GUCY1A2: variants seen among roughly 807,000 people sequenced by gnomAD.
The protein encoded by GUCY1A2 is guanylate cyclase soluble subunit alpha-2.
Under a neutral mutation model 63.5 loss-of-function variants are expected in GUCY1A2, and 27 were observed. The observed-to-expected ratio is 0.43, with a 90% confidence interval of 0.31 to 0.59. The LOEUF is 0.59. GUCY1A2 is among the 20% of genes least tolerant of loss of function. GUCY1A2 has a pLI of 0.11. For missense variants in GUCY1A2, 768 were observed against 913.3 expected, an observed-to-expected ratio of 0.84 and a Z score of 2.05; for synonymous variants, 364 against 343.5, an observed-to-expected ratio of 1.06 and a Z score of -0.66.
In GUCY1A2 at chr11:106,790,308, G is replaced by T. The variant is rs559738501; in HGVS notation, c.1693-13726C>A. Among the ~76,000 whole-genome samples the T allele has an allele frequency of 5.3e-5, 8 of 152,264 alleles. No homozygotes were observed. In the South Asian group the frequency reaches 1.5e-3, roughly 28 times the overall value. ...CCACAGGGACATCAAACAGGCTACC[G>T]CTGATGTTCACTTAAGGCCCAAGGG... On this transcript the variant is annotated intron_variant, in intron 5 of 7. Coordinates refer to ENST00000526355, the MANE Select transcript of GUCY1A2 (RefSeq NM_000855.3).
At chr11:106,742,817 C>T (rs569292835) in intron 6 of GUCY1A2, among the ~76,000 whole-genome samples, 6 of 152,248 alleles carry the variant, frequency 3.9e-5, no homozygotes, top group East Asian at 3.9e-4. Flanking sequence ...ATTGTAAACG[C>T]TTTCAAATGG....
At chr11:106,689,353 C>A (rs898723544) in intron 7 of GUCY1A2, among the ~76,000 whole-genome samples, 3 of 152,014 alleles carry the variant, frequency 2.0e-5, no homozygotes, top group African/African-American at 7.2e-5. Context: ...TGATGATATT[C>A]ATTCGGTATA....
intron 4 of GUCY1A2, among the ~76,000 whole-genome samples, chr11:106,849,113 C>A (rs890027408): frequency 6.6e-6 from 1 of 151,310 alleles, no homozygotes; most frequent in African/African-American, 2.4e-5. Flanking sequence ...ATACAAGGTG[C>A]CATTCTATAA....
chr11:106,835,494 A>C (rs761916096), intron 4 of GUCY1A2, among the ~76,000 whole-genome samples: 2 of 151,812 alleles, frequency 1.3e-5, no homozygotes, highest in Non-Finnish European at 2.9e-5. Context: ...GGGGAGAATA[A>C]AGAGAATGGG....
chr11:106,851,189 TTTTTG>T (rs1555040352), intron 4 of GUCY1A2, among the ~76,000 whole-genome samples: 5 of 151,954 alleles, frequency 3.3e-5, no homozygotes, highest in Middle Eastern at 3.4e-3. Context: ...AATGGGTTTT[TTTTTG>T]TTTTGTTTTG....
At chr11:106,803,484 T>C (rs908319520) in intron 5 of GUCY1A2, among the ~76,000 whole-genome samples, 1 of 152,264 alleles carries the variant, frequency 6.6e-6, no homozygotes, top group South Asian at 2.1e-4. Context: ...CTAGTAAGCG[T>C]TGGATACACA....
At chr11:106,896,863 T>C (rs1860057567) in intron 4 of GUCY1A2, among the ~76,000 whole-genome samples, 1 of 152,182 alleles carries the variant, frequency 6.6e-6, no homozygotes, top group African/African-American at 2.4e-5. Flanking sequence ...ACAGAACAAA[T>C]GAACTAGGAC....
chr11:106,798,435 A>T (rs1864808477), intron 5 of GUCY1A2, among the ~76,000 whole-genome samples: 1 of 152,212 alleles, frequency 6.6e-6, no homozygotes, highest in African/African-American at 2.4e-5. Context: ...TCATCCTGAT[A>T]CCAAAGGCTG....
intron 4 of GUCY1A2, among the ~76,000 whole-genome samples, chr11:106,909,629 C>T (rs1340616725): frequency 1.3e-5 from 2 of 151,832 alleles, no homozygotes; most frequent in African/African-American, 4.8e-5. Flanking sequence ...TCAGGGCTGT[C>T]GTTATTCACT....
At chr11:106,778,529 C>A (rs976792839) in intron 5 of GUCY1A2, among the ~76,000 whole-genome samples, 1 of 151,990 alleles carries the variant, frequency 6.6e-6, no homozygotes, top group African/African-American at 2.4e-5. Context: ...GGCATGATGG[C>A]GGGCACCTGT....
rs568526421 is a variant in GUCY1A2, at chr11:106,978,610, T to A, written c.487+9A>T. On this transcript the variant is annotated intron_variant, in intron 3 of 7. Transcript: ENST00000526355. The stretch of plus-strand genomic sequence containing the variant: ...CTCTCATCCATATAAATATATATAG[T>A]TAATATACCGAGTATATTAGCAGTA... 2 of 1,456,600 alleles carry A rather than the reference T, an allele frequency of 1.4e-6. No individual in the cohort carries two copies. Among genetic ancestry groups the A allele is most frequent in the Admixed American group, 3.7e-5 (2 of 53,906 alleles). The allele number at this position is 1,456,600 out of a possible 1,614,324, so 90.2% of individuals were successfully genotyped here.
At chr11:106,761,847 C>A (rs778636664) in intron 6 of GUCY1A2, among the ~76,000 whole-genome samples, 1 of 152,058 alleles carries the variant, frequency 6.6e-6, no homozygotes, top group African/African-American at 2.4e-5. Context: ...TTTTCACAAA[C>A]TACAGTTAAA....
chr11:106,915,950 C>G (rs769321985), intron 4 of GUCY1A2, among the ~76,000 whole-genome samples: 1 of 142,594 alleles, frequency 7.0e-6, no homozygotes, highest in African/African-American at 2.5e-5. Flanking sequence ...GTCATGGTTA[C>G]TGCCACTCTC....
intron 7 of GUCY1A2, among the ~76,000 whole-genome samples, chr11:106,688,201 T>G (rs1217825729): frequency 6.6e-6 from 1 of 152,214 alleles, no homozygotes; most frequent in Admixed American, 6.6e-5. Context: ...GCTTTAAATG[T>G]GTGTCCTGTA....
chr11:106,885,138 G>T lies in GUCY1A2; in HGVS notation c.1206+54322C>A, dbSNP rs115343285. Among the ~76,000 whole-genome samples the T allele has an allele frequency of 8.8e-3, 1,341 of 152,260 alleles. 17 individuals are homozygous for T. Among genetic ancestry groups the T allele is most frequent in the African/African-American group, 0.031 (1,278 of 41,558 alleles). On this transcript the variant is annotated intron_variant, in intron 4 of 7. Transcript: ENST00000526355. ...AACACCATGATTTCAGTCAGGTGTT[G>T]AAAGTGCTTCATTTTGCCTTTATGG...
Position 106,685,477 on chromosome 11 carries a change from T to A in GUCY1A2, c.*2072A>T, listed in dbSNP as rs1350911215. On this transcript the variant is annotated 3_prime_UTR_variant, in exon 8 of 8. Coordinates refer to ENST00000526355, the MANE Select transcript of GUCY1A2 (RefSeq NM_000855.3). The stretch of plus-strand genomic sequence containing the variant: ...TAGATTGGATATTCCTGGAAGTCCC[T>A]TTCAGCCTTATGGTTACAAAACACA... 1 of 223,234 alleles carries A rather than the reference T, an allele frequency of 4.5e-6. No homozygotes were observed. Among genetic ancestry groups the A allele is most frequent in the Non-Finnish European group, 8.9e-6 (1 of 111,806 alleles). 13.8% of individuals were successfully genotyped at this position (223,234 alleles called of 1,614,324 possible).
Position 106,940,157 on chromosome 11 carries a change from T to C in GUCY1A2, c.509A>G (p.Gln170Arg). The change falls in exon 4 of 8, where the codon CAA (glutamine) becomes CGA (arginine). Residue 170 changes from glutamine to arginine, a missense_variant. By Grantham distance (43) the Gln-to-Arg change is conservative (BLOSUM62 1). Around this residue, in one of 3 missense-constraint regions of GUCY1A2, gnomAD observed 496 missense variants for 486.9 expected, o/e 1.02. Coordinates refer to ENST00000526355, the MANE Select transcript of GUCY1A2 (RefSeq NM_000855.3). ...NILGLKFEEIQKRFGEEFFNI... is the reference protein window; with the variant it reads ...NILGLKFEEIRKRFGEEFFNI... ...AAAGAACTCTTCACCAAATCTTTTT[T>C]GAATTTCCTCAAACTTCAAACCTAG... 1 of 1,582,546 alleles carries C rather than the reference T, an allele frequency of 6.3e-7. No individual in the cohort carries two copies. The highest frequency in any genetic ancestry group is 8.6e-7 in the Non-Finnish European group (1 of 1,156,682).
intron 4 of GUCY1A2, among the ~76,000 whole-genome samples, chr11:106,835,595 A>C (rs1187968716): frequency 6.6e-6 from 1 of 151,868 alleles, no homozygotes; most frequent in Non-Finnish European, 1.5e-5. Flanking sequence ...TCCACCAAGA[A>C]ATATAAATAA....
intron 5 of GUCY1A2, among the ~76,000 whole-genome samples, chr11:106,808,832 G>A (rs1565296733): frequency 1.3e-5 from 2 of 151,920 alleles, no homozygotes; most frequent in African/African-American, 2.4e-5. Flanking sequence ...GTATCTCTCC[G>A]GTTTAGAATC....
Sources: gnomAD v4.1 joint callset for allele counts (sites outside exome capture counted in the v4.1 genomes callset) on GRCh38, gnomAD v4.1.1 for gene constraint, gnomAD v4.1.1 regional missense constraint, MANE v1.5 for transcripts, NCBI Gene and HGNC (gene_info 2026-07-23, HGNC 2026-07-21) for gene names.